CELF2: variants seen among roughly 807,000 people sequenced by gnomAD.
CELF2 encodes CUG triplet repeat RNA-binding protein 2.
In CELF2, 8 loss-of-function variants were observed where a neutral mutation model predicts 62.6. The observed-to-expected ratio is 0.13, with a 90% confidence interval of 0.07 to 0.23. The LOEUF is 0.23. Ranked by LOEUF, CELF2 falls within the 10% of genes least tolerant of loss-of-function variation. The probability of loss-of-function intolerance (pLI) is 1.00; values close to 1 mark genes in which losing one functional copy is unlikely to be tolerated. For missense variants in CELF2, 333 were observed against 671.0 expected (o/e 0.50, Z 5.56); for synonymous variants, 258 against 250.0 (o/e 1.03, Z -0.30).
At chr10:10,813,662 C>G (rs918184191) in intron 1 of CELF2, among the ~76,000 whole-genome samples, 5 of 152,212 alleles carry the variant, frequency 3.3e-5, no homozygotes, top group African/African-American at 1.2e-4. Context: ...CATGAAAGCA[C>G]ATGGTCTCTA....
At chr10:10,562,497 A>T in the CELF2 span, among the ~76,000 whole-genome samples, 4 of 152,194 alleles carry the variant, frequency 2.6e-5, no homozygotes, top group African/African-American at 9.6e-5. Context: ...AGAGTGAAGC[A>T]TGAAGAGGTT....
At chr10:10,898,292 C>T (rs1331865754) in intron 1 of CELF2, among the ~76,000 whole-genome samples, 2 of 152,198 alleles carry the variant, frequency 1.3e-5, no homozygotes, top group African/African-American at 4.8e-5. Context: ...CTATTTGGAA[C>T]CTTTCGAGCT....
At chr10:10,498,094 G>A in the CELF2 span, among the ~76,000 whole-genome samples, 2 of 152,280 alleles carry the variant, frequency 1.3e-5, no homozygotes, top group South Asian at 2.1e-4. Flanking sequence ...GACCAGTTGT[G>A]AAGAGGGAGA....
the CELF2 span, among the ~76,000 whole-genome samples, chr10:10,489,201 G>A: frequency 1.2e-4 from 19 of 152,092 alleles, no homozygotes; most frequent in Non-Finnish European, 2.5e-4. Context: ...TAATACTGAA[G>A]GATAATAATG....
the CELF2 span, among the ~76,000 whole-genome samples, chr10:10,595,627 C>T: frequency 6.6e-6 from 1 of 152,134 alleles, no homozygotes; most frequent in Non-Finnish European, 1.5e-5. Context: ...GGCAATGACC[C>T]AGGGACCCAG....
intron 3 of CELF2, among the ~76,000 whole-genome samples, chr10:11,245,118 A>C (rs1361204578): frequency 6.6e-6 from 1 of 152,246 alleles, no homozygotes; most frequent in African/African-American, 2.4e-5. Flanking sequence ...TACTGGGTCA[A>C]ATCATTGAAA....
chr10:10,646,263 A>G, the CELF2 span, among the ~76,000 whole-genome samples: 1 of 152,236 alleles, frequency 6.6e-6, no homozygotes, highest in East Asian at 1.9e-4. Flanking sequence ...AAGTTCACCT[A>G]CTTCACAATT....
At chr10:10,551,835 C>T in the CELF2 span, among the ~76,000 whole-genome samples, 13 of 152,292 alleles carry the variant, frequency 8.5e-5, no homozygotes, top group Admixed American at 6.5e-4. Context: ...ACCCCTTCCT[C>T]TGTCATCCAG....
At position 11,246,655 on chromosome 10, in the gene CELF2, C is replaced by T. The variant is rs1353261136; in HGVS notation, c.355-2498C>T. The stretch of plus-strand genomic sequence containing the variant: ...CTCTCCTCTCATGGCTCCCATGGGA[C>T]CAGTTGCTCCTGCAGCTCCTCCTGC... On this transcript the variant is annotated intron_variant, in intron 3 of 12. Coordinates refer to ENST00000633077, the MANE Select transcript of CELF2 (RefSeq NM_001326342.2). The surrounding 1 kb of genome is among the most constrained non-coding windows in gnomAD (Gnocchi z 4.6). 6.6e-6 allele frequency among the ~76,000 whole-genome samples: 1 copy of T among 152,164 alleles called. No individual in the cohort carries two copies. Among genetic ancestry groups the T allele is most frequent in the Non-Finnish European group, 1.5e-5 (1 of 68,038 alleles).
At chr10:10,572,418 T>A in the CELF2 span, among the ~76,000 whole-genome samples, 2 of 152,086 alleles carry the variant, frequency 1.3e-5, no homozygotes, top group African/African-American at 4.8e-5. Flanking sequence ...GGTAAACGTG[T>A]GCCATGGTGG....
the CELF2 span, among the ~76,000 whole-genome samples, chr10:10,711,919 G>T: frequency 6.6e-6 from 1 of 151,944 alleles, no homozygotes; most frequent in Non-Finnish European, 1.5e-5. Flanking sequence ...GGTAAAAAGT[G>T]AATGTATTTG....
Position 11,161,250 on chromosome 10 carries a change from C to T in CELF2, c.75-4236C>T, listed in dbSNP as rs147859428. Among the ~76,000 whole-genome samples, 136 of 152,330 alleles carry T rather than the reference C, an allele frequency of 8.9e-4. 1 individual carries two copies. Among genetic ancestry groups the T allele is most frequent in the Admixed American group, 1.0e-3 (16 of 15,306 alleles). ...CACTGGCGTAGTGCTTGCAGACTTGCGGTCTTATTCCATATGGCATCTGTC... is the reference window on the plus strand; with the variant it reads ...CACTGGCGTAGTGCTTGCAGACTTGTGGTCTTATTCCATATGGCATCTGTC... On this transcript the variant is annotated intron_variant, in intron 1 of 12. Transcript: ENST00000633077.
intron 2 of CELF2, among the ~76,000 whole-genome samples, chr10:10,941,868 C>T (rs1737300389): frequency 6.6e-6 from 1 of 151,800 alleles, no homozygotes; most frequent in African/African-American, 2.4e-5. Context: ...GTGGCAGGTG[C>T]CTGTAATCCC....
In CELF2 at chr10:11,214,444, A is replaced by C. The variant is rs762289296; in HGVS notation, c.272-2981A>C. On this transcript the variant is annotated intron_variant, in intron 2 of 12. Coordinates refer to ENST00000633077, the MANE Select transcript of CELF2 (RefSeq NM_001326342.2). This position sits in a 1 kb window ranked among gnomAD's most constrained non-coding sequence, Gnocchi z 4.2. ...TCTGCCCAGGACCCCACATTTGTGT[A>C]AGTTGCTAATTGCACAAGGGTATCC... Among the ~76,000 whole-genome samples the C allele has an allele frequency of 1.4e-4, 22 of 152,220 alleles. No individual in the cohort carries two copies. The highest frequency in any genetic ancestry group is 2.6e-4 in the Non-Finnish European group (18 of 68,030).
At chr10:10,767,824 G>A in the CELF2 span, among the ~76,000 whole-genome samples, 4 of 151,652 alleles carry the variant, frequency 2.6e-5, no homozygotes, top group African/African-American at 9.7e-5. Flanking sequence ...GTGAAACCCC[G>A]TCTCTACTAA....
intron 2 of CELF2, chr10:11,169,292 C>G (rs1386292879): frequency 6.6e-6 from 1 of 152,118 alleles, no homozygotes; most frequent in East Asian, 1.9e-4. Flanking sequence ...AGAACATGAG[C>G]TAAGAGTAAA....
rs928455540 is a variant in CELF2, at chr10:10,947,216, C to G, written c.89+27217C>G. The G allele has an allele frequency of 1.3e-5, 2 of 152,308 alleles. No homozygotes were observed. The highest frequency in any genetic ancestry group is 2.9e-5 in the Non-Finnish European group (2 of 68,046). The allele number at this position is 152,308 out of a possible 1,614,324, so 9.4% of individuals were successfully genotyped here. On this transcript the variant is annotated intron_variant, in intron 2 of 13. Transcript: ENST00000636488. The surrounding 1 kb of genome is among the most constrained non-coding windows in gnomAD (Gnocchi z 4.1). The stretch of plus-strand genomic sequence containing the variant: ...CACAAAAGCTCAGCACACACTTACT[C>G]TAACCAGTCCTTCACCTGCTGCACA...
the CELF2 span, among the ~76,000 whole-genome samples, chr10:10,715,196 A>AATAGTT: frequency 5.3e-5 from 8 of 152,226 alleles, no homozygotes; most frequent in Admixed American, 5.2e-4. Flanking sequence ...CCGTGATATA[A>AATAGTT]AATAAGACAT....
intron 1 of CELF2, among the ~76,000 whole-genome samples, chr10:11,056,987 C>T (rs937049974): frequency 2.0e-5 from 3 of 152,090 alleles, no homozygotes; most frequent in East Asian, 3.9e-4. Context: ...AGAACCGCTG[C>T]GTGAAGTGTC....
Sources: gnomAD v4.1 joint callset for allele counts (sites outside exome capture counted in the v4.1 genomes callset) on GRCh38, gnomAD v4.1.1 for gene constraint, Gnocchi (gnomAD v3.1) non-coding constraint, MANE v1.5 for transcripts, NCBI Gene and HGNC (gene_info 2026-07-23, HGNC 2026-07-21) for gene names.